TPST1: variants seen among roughly 807,000 people sequenced by gnomAD.
TPST1 encodes protein-tyrosine sulfotransferase 1.
TPST1 carries 20 observed loss-of-function variants against 34.8 expected under a neutral mutation model. That is an observed-to-expected ratio of 0.57 (90% confidence interval 0.40 to 0.84). TPST1 has a LOEUF of 0.84. Among genes scored for constraint, TPST1 ranks in the 40% least tolerant of loss-of-function variants. The probability of loss-of-function intolerance (pLI) is 0.00; values close to 1 mark genes in which losing one functional copy is unlikely to be tolerated. For missense variants in TPST1, 353 were observed against 455.5 expected (o/e 0.78, Z 2.05); for synonymous variants, 152 against 159.4 (o/e 0.95, Z 0.35).
chr7:66,350,762 C>T (rs1240913473), intron 3 of TPST1, among the ~76,000 whole-genome samples: 4 of 152,136 alleles, frequency 2.6e-5, no homozygotes, highest in Admixed American at 6.6e-5. Flanking sequence ...ATCGCGATTC[C>T]GGTGGTTATC....
intron 1 of TPST1, among the ~76,000 whole-genome samples, chr7:66,233,000 T>C (rs1356207272): frequency 6.6e-6 from 1 of 152,236 alleles, no homozygotes; most frequent in Non-Finnish European, 1.5e-5. Flanking sequence ...CATTTGCATA[T>C]ATTCTTTGGG....
intron 3 of TPST1, among the ~76,000 whole-genome samples, chr7:66,320,960 CTG>C (rs1303887452): frequency 2.0e-5 from 3 of 152,268 alleles, no homozygotes; most frequent in Admixed American, 6.5e-5. Context: ...CTTTTTGACT[CTG>C]TTTTAATGTT....
intron 2 of TPST1, among the ~76,000 whole-genome samples, chr7:66,274,695 AT>A (rs1267140617): frequency 3.9e-5 from 6 of 152,230 alleles, no homozygotes; most frequent in Non-Finnish European, 7.3e-5. Context: ...TATATCTGAT[AT>A]GGAGTTAATA....
chr7:66,279,381 C>T (rs946399871), intron 2 of TPST1, among the ~76,000 whole-genome samples: 16 of 152,064 alleles, frequency 1.1e-4, no homozygotes, highest in African/African-American at 3.4e-4. Flanking sequence ...AACAGTGTTG[C>T]GATGAACATA....
At chr7:66,234,428 C>CACACACACACACACAG (rs757230640) in intron 1 of TPST1, among the ~76,000 whole-genome samples, 4 of 150,414 alleles carry the variant, frequency 2.7e-5, no homozygotes, top group South Asian at 4.2e-4. Flanking sequence ...CACACACACA[C>CACACACACACACACAG]ACAGACACAC....
chr7:66,312,988 A>G (rs568064292), intron 3 of TPST1, among the ~76,000 whole-genome samples: 75 of 152,302 alleles, frequency 4.9e-4, no homozygotes, highest in African/African-American at 1.6e-3. Flanking sequence ...TGTATTCTAA[A>G]GAACATTATG....
At chr7:66,226,217 C>T (rs1003231180) in intron 1 of TPST1, among the ~76,000 whole-genome samples, 3 of 152,210 alleles carry the variant, frequency 2.0e-5, no homozygotes, top group African/African-American at 7.2e-5. Context: ...GTTCAGTATA[C>T]ACTGTGAGCT....
intron 2 of TPST1, among the ~76,000 whole-genome samples, chr7:66,262,337 C>G (rs1441453529): frequency 6.6e-6 from 1 of 152,168 alleles, no homozygotes; most frequent in Non-Finnish European, 1.5e-5. Context: ...CTCCCTTCCT[C>G]TTCTTTCATT....
At chr7:66,283,920 A>G (rs1250507332) in intron 2 of TPST1, among the ~76,000 whole-genome samples, 2 of 152,244 alleles carry the variant, frequency 1.3e-5, no homozygotes, top group Non-Finnish European at 2.9e-5. Context: ...TATCCTTAAT[A>G]TCAAACCCAC....
At chr7:66,312,580 G>A (rs750945118) in intron 3 of TPST1, among the ~76,000 whole-genome samples, 12 of 152,022 alleles carry the variant, frequency 7.9e-5, no homozygotes, top group East Asian at 1.9e-4. Context: ...TTAAAATATC[G>A]TTAATTTAAA....
At chr7:66,271,753 T>C (rs1303612018) in intron 2 of TPST1, among the ~76,000 whole-genome samples, 1 of 152,248 alleles carries the variant, frequency 6.6e-6, no homozygotes, top group Non-Finnish European at 1.5e-5. Flanking sequence ...TTAATCCATA[T>C]ATATGTATAT....
chr7:66,235,435 T>G (rs543720011), intron 1 of TPST1, among the ~76,000 whole-genome samples: 1 of 152,334 alleles, frequency 6.6e-6, no homozygotes, highest in Non-Finnish European at 1.5e-5. Context: ...ATATAGTGCC[T>G]GGCACAAAAC....
intron 5 of TPST1, among the ~76,000 whole-genome samples, chr7:66,358,235 G>A (rs1220449579): frequency 4.6e-5 from 7 of 151,966 alleles, no homozygotes; most frequent in Non-Finnish European, 8.8e-5. Context: ...GTGACAGAGC[G>A]AGACTTCGTC....
chr7:66,232,355 A>T (rs1789816265), intron 1 of TPST1, among the ~76,000 whole-genome samples: 1 of 151,684 alleles, frequency 6.6e-6, no homozygotes, highest in Admixed American at 6.6e-5. Context: ...GGCACGTGCC[A>T]CCATGCCTGA....
At chr7:66,224,511 G>C (rs1156547163) in intron 1 of TPST1, among the ~76,000 whole-genome samples, 1 of 152,166 alleles carries the variant, frequency 6.6e-6, no homozygotes, top group African/African-American at 2.4e-5. Context: ...CATGTCCCCA[G>C]CATCTCTTTG....
chr7:66,347,276 C>G (rs1013512272), intron 3 of TPST1, among the ~76,000 whole-genome samples: 11 of 151,818 alleles, frequency 7.2e-5, no homozygotes, highest in African/African-American at 1.7e-4. Context: ...CCATGTTGCC[C>G]GGGCTGGTCT....
chr7:66,351,326 T>G (rs568964313), intron 3 of TPST1, among the ~76,000 whole-genome samples: 6 of 152,194 alleles, frequency 3.9e-5, no homozygotes, highest in Non-Finnish European at 8.8e-5. Flanking sequence ...AGATCACGTT[T>G]TTTAATTTAT....
chr7:66,235,487 T>A (rs1023332693), intron 1 of TPST1, among the ~76,000 whole-genome samples: 2 of 152,174 alleles, frequency 1.3e-5, no homozygotes, highest in African/African-American at 4.8e-5. Context: ...TAAAAGAGTA[T>A]ACACATGAAT....
rs781622779 is a variant in TPST1, at chr7:66,286,657, A to G, written c.992A>G (p.Asn331Ser). Residue 331 changes from asparagine to serine, a missense_variant, in exon 3 of 6, where the codon AAC (asparagine) becomes AGC (serine). Coordinates refer to ENST00000304842, the MANE Select transcript of TPST1 (RefSeq NM_003596.4). ...AAGCTTGGATATGACCCATATGCCA[A>G]CCCACCTAACTACGGAAAACCTGAT... ...LAKLGYDPYA[N>S]PPNYGKPDPK... 1.3e-6 allele frequency: 2 copies of G among 1,598,340 alleles called. No individual in the cohort carries two copies. Among genetic ancestry groups the G allele is most frequent in the Non-Finnish European group, 8.5e-7 (1 of 1,171,274 alleles).
Sources: allele counts gnomAD v4.1 joint callset (sites outside exome capture counted in the v4.1 genomes callset), GRCh38; gene constraint gnomAD v4.1.1; transcripts MANE v1.5; gene names NCBI Gene and HGNC (gene_info 2026-07-23, HGNC 2026-07-21).